Variants in PRKG1 observed in about 807,000 individuals in gnomAD.
The protein encoded by PRKG1 is protein kinase cGMP-dependent 1.
A neutral mutation model predicts 88.1 loss-of-function variants in PRKG1; 35 were observed. That is an observed-to-expected ratio of 0.40 (90% confidence interval 0.30 to 0.53). The LOEUF (loss-of-function observed/expected upper bound fraction) is 0.53. PRKG1 is among the 20% of genes least tolerant of loss of function. The probability of loss-of-function intolerance (pLI) is 0.59; values close to 1 mark genes in which losing one functional copy is unlikely to be tolerated. For missense variants in PRKG1, 540 were observed against 839.8 expected, an observed-to-expected ratio of 0.64 and a Z score of 4.41; for synonymous variants, 303 against 292.5, an observed-to-expected ratio of 1.04 and a Z score of -0.37.
chr10:51,712,664 A>G (rs1330565700), intron 3 of PRKG1, among the ~76,000 whole-genome samples: 2 of 129,520 alleles, frequency 1.5e-5, no homozygotes, highest in Non-Finnish European at 3.0e-5. Flanking sequence ...GTCTCGGCTC[A>G]CTGCAATCTC....
Position 51,223,433 on chromosome 10 carries a change from G to A in PRKG1, c.478+70103G>A, listed in dbSNP as rs550515509. On this transcript the variant is annotated intron_variant, in intron 2 of 17. Transcript: ENST00000373980. ...GAGCCCACATGTATACTTCATATAA[G>A]TAGAGGCCATATGTGTTCTTGTTTA... Among the ~76,000 whole-genome samples, 158 of 152,250 alleles carry A rather than the reference G, an allele frequency of 1.0e-3. 4 individuals carry two copies. The South Asian group carries it at 0.032, about 31-fold the overall frequency.
At chr10:51,948,334 G>A (rs1217767845) in intron 5 of PRKG1, among the ~76,000 whole-genome samples, 1 of 151,878 alleles carries the variant, frequency 6.6e-6, no homozygotes, top group Non-Finnish European at 1.5e-5. Context: ...GTTTATTTTT[G>A]CCCACTTCCT....
chr10:51,235,429 C>A (rs147410523), intron 2 of PRKG1, among the ~76,000 whole-genome samples: 62 of 142,318 alleles, frequency 4.4e-4, no homozygotes, highest in African/African-American at 1.4e-3. Flanking sequence ...AACAAAACTT[C>A]TTTTCTTTGA....
intron 1 of PRKG1, among the ~76,000 whole-genome samples, chr10:51,010,121 A>T (rs1455016656): frequency 6.6e-6 from 1 of 152,252 alleles, no homozygotes; most frequent in Non-Finnish European, 1.5e-5. Flanking sequence ...GGAATTTTCC[A>T]GGGCCATTGT....
chr10:51,823,753 G>A (rs921042986), intron 4 of PRKG1, among the ~76,000 whole-genome samples: 8 of 151,196 alleles, frequency 5.3e-5, no homozygotes, highest in Non-Finnish European at 8.8e-5. Context: ...CTAAACTATG[G>A]TAGTATTCCA....
chr10:51,698,596 G>A (rs370688838), intron 3 of PRKG1: 2 of 1,613,704 alleles, frequency 1.2e-6, no homozygotes, highest in African/African-American at 1.3e-5. Flanking sequence ...CAGGAGTCAC[G>A]GGTCCGCGAG....
intron 9 of PRKG1, among the ~76,000 whole-genome samples, chr10:52,244,822 T>TTTAGATATATTTAAATATATC (rs1461437277): frequency 0.058 from 4,734 of 81,120 alleles, 498 homozygotes; most frequent in East Asian, 0.49. Context: ...TTAAATATAT[T>TTTAGATATATTTAAATATATC]TAAATATACT....
intron 3 of PRKG1, among the ~76,000 whole-genome samples, chr10:51,717,139 C>T (rs551185504): frequency 2.0e-5 from 3 of 152,298 alleles, no homozygotes; most frequent in East Asian, 1.9e-4. Context: ...ACCCTCAGGT[C>T]GACGTACCCA....
intron 2 of PRKG1, among the ~76,000 whole-genome samples, chr10:51,370,512 A>ATGTGTG (rs34743767): frequency 1.1e-4 from 16 of 146,900 alleles, no homozygotes; most frequent in East Asian, 2.0e-4. Flanking sequence ...GTGTGTGTGT[A>ATGTGTG]TGTGTGTGTG....
chr10:52,228,498 G>A (rs1474475365), intron 9 of PRKG1, among the ~76,000 whole-genome samples: 1 of 152,068 alleles, frequency 6.6e-6, no homozygotes, highest in Non-Finnish European at 1.5e-5. Flanking sequence ...TTTAGCCTGG[G>A]AATGAGAGGC....
intron 3 of PRKG1, among the ~76,000 whole-genome samples, chr10:51,596,321 A>G (rs1028529145): frequency 6.6e-6 from 1 of 152,178 alleles, no homozygotes; most frequent in Admixed American, 6.5e-5. Flanking sequence ...GTGAACCTGG[A>G]AAGTTTTGCC....
intron 2 of PRKG1, among the ~76,000 whole-genome samples, chr10:51,223,320 T>C (rs182840229): frequency 8.3e-4 from 126 of 152,254 alleles, no homozygotes; most frequent in Non-Finnish European, 1.5e-3. Flanking sequence ...ACAAGCAATA[T>C]GTGCCAGGCA....
intron 3 of PRKG1, among the ~76,000 whole-genome samples, chr10:51,737,705 T>TTTTTTTTATTTA (rs1554836997): frequency 6.9e-6 from 1 of 144,886 alleles, no homozygotes; most frequent in South Asian, 2.2e-4. Flanking sequence ...GACTCTATAT[T>TTTTTTTTATTTA]TTTATTTATT....
At chr10:51,207,024 C>G (rs1042752902) in intron 2 of PRKG1, among the ~76,000 whole-genome samples, 2 of 152,046 alleles carry the variant, frequency 1.3e-5, no homozygotes, top group Non-Finnish European at 2.9e-5. Context: ...ATATTTTTGA[C>G]TGGCTATTTC....
At chr10:52,282,456 G>T (rs780126731) in intron 14 of PRKG1, 140 bp downstream of exon 14, 7 of 876,090 alleles carry the variant, frequency 8.0e-6, no homozygotes, top group East Asian at 2.8e-5. Flanking sequence ...TTATACAGAT[G>T]ACCAGGAATT....
At chr10:52,119,378 A>G (rs1847763061) in intron 7 of PRKG1, among the ~76,000 whole-genome samples, 1 of 152,202 alleles carries the variant, frequency 6.6e-6, no homozygotes, top group Non-Finnish European at 1.5e-5. Context: ...TGGCAATAGA[A>G]TAATAAAAAG....
rs140478621 is a variant in PRKG1 at position 51,946,380 on chromosome 10, T to C, written c.762+38810T>C. 9.0e-3 allele frequency among the ~76,000 whole-genome samples: 1,362 copies of C among 152,164 alleles called. 34 individuals carry two copies. Among genetic ancestry groups the C allele is most frequent in the African/African-American group, 0.03 (1,229 of 41,412 alleles). On this transcript the variant is annotated intron_variant, in intron 5 of 17. Transcript: ENST00000373980. ...ATTCGTCTAAATTTTTTCCAAAGTTTTCAGCTTCTTTGCCTTTGGTTTGAA... is the reference window on the plus strand; with the variant it reads ...ATTCGTCTAAATTTTTTCCAAAGTTCTCAGCTTCTTTGCCTTTGGTTTGAA...
At chr10:51,296,648 A>T (rs754213901) in intron 2 of PRKG1, among the ~76,000 whole-genome samples, 1 of 151,204 alleles carries the variant, frequency 6.6e-6, no homozygotes, top group Non-Finnish European at 1.5e-5. Context: ...GGATTTTTTT[A>T]TTGTTGTCTG....
At chr10:51,205,215 C>T (rs1247953290) in intron 2 of PRKG1, among the ~76,000 whole-genome samples, 4 of 137,488 alleles carry the variant, frequency 2.9e-5, no homozygotes, top group African/African-American at 1.1e-4. Context: ...TCTTGGCTCG[C>T]TACCACCTCT....
Sources: allele counts gnomAD v4.1 joint callset (sites outside exome capture counted in the v4.1 genomes callset), GRCh38; gene constraint gnomAD v4.1.1; transcripts MANE v1.5; gene names NCBI Gene and HGNC (gene_info 2026-07-23, HGNC 2026-07-21).